Variants in LARS2 observed in about 807,000 individuals in gnomAD.
LARS2 encodes leucine--tRNA ligase, mitochondrial.
A neutral mutation model predicts 116.6 loss-of-function variants in LARS2; 81 were observed. The observed-to-expected ratio is 0.69, with a 90% CI of 0.58 to 0.84. The LOEUF (loss-of-function observed/expected upper bound fraction) is 0.84. Among genes scored for constraint, LARS2 ranks in the 40% least tolerant of loss-of-function variants. LARS2 has a pLI of 0.00. For missense variants in LARS2, 968 were observed against 1,114.5 expected (o/e 0.87, Z 1.87); for synonymous variants, 396 against 407.2 (o/e 0.97, Z 0.33).
At chr3:45,399,595 C>T (rs1221087010) in intron 3 of LARS2, among the ~76,000 whole-genome samples, 2 of 151,984 alleles carry the variant, frequency 1.3e-5, no homozygotes, top group Non-Finnish European at 2.9e-5. Context: ...GCGTGAGATC[C>T]AAGAACCCTC....
chr3:45,516,677 A>C (rs1209057526), intron 17 of LARS2, among the ~76,000 whole-genome samples: 1 of 152,144 alleles, frequency 6.6e-6, no homozygotes, highest in Non-Finnish European at 1.5e-5. Context: ...CTATAGTCCA[A>C]AGAGGCCAGT....
intron 6 of LARS2, among the ~76,000 whole-genome samples, chr3:45,434,530 A>C (rs373381030): frequency 3.3e-5 from 5 of 152,212 alleles, no homozygotes; most frequent in African/African-American, 9.6e-5. Flanking sequence ...TGCTGTCTGC[A>C]TAAAATCCTT....
At chr3:45,469,567 A>T (rs1174525253) in intron 8 of LARS2, among the ~76,000 whole-genome samples, 1 of 151,990 alleles carries the variant, frequency 6.6e-6, no homozygotes, top group Admixed American at 6.6e-5. Context: ...GCTGGTCTCA[A>T]GCTCCTGACC....
chr3:45,423,318 T>C (rs764613723), intron 6 of LARS2, among the ~76,000 whole-genome samples: 12 of 152,176 alleles, frequency 7.9e-5, no homozygotes, highest in Non-Finnish European at 1.5e-4. Context: ...TCATTGTTTT[T>C]GTTTTTGTTT....
intron 4 of LARS2, 37 bp from the exon 5 acceptor site, chr3:45,417,442 AATG>A (rs1358818608): frequency 7.0e-7 from 1 of 1,431,798 alleles, no homozygotes; most frequent in Non-Finnish European, 9.9e-7. Context: ...TGGAGTTATT[AATG>A]ATTTGCCATG....
intron 13 of LARS2, 48 bp downstream of exon 13, chr3:45,491,848 C>T: frequency 6.5e-7 from 1 of 1,549,318 alleles, no homozygotes; most frequent in Non-Finnish European, 8.8e-7. Flanking sequence ...TGGCCCCATA[C>T]CTGCTAGGGC....
chr3:45,537,896 C>G lies in LARS2; in HGVS notation c.2405-3933C>G, dbSNP rs6771173. 2.8e-3 allele frequency among the ~76,000 whole-genome samples: 424 copies of G among 152,258 alleles called. 6 individuals are homozygous for G. Among genetic ancestry groups the G allele is most frequent in the African/African-American group, 9.7e-3 (401 of 41,534 alleles). On this transcript the variant is annotated intron_variant, in intron 20 of 21. Transcript: ENST00000645846. ...TGCAGGAAAGTCTGCAATAGTAGCT[C>G]TCTCAGAGGAGGGGAAGGAAGGGGG...
chr3:45,514,736 C>T (rs1455008188), intron 16 of LARS2, among the ~76,000 whole-genome samples: 5 of 152,192 alleles, frequency 3.3e-5, no homozygotes, highest in African/African-American at 1.2e-4. Context: ...TCTAACTTCT[C>T]AACTTTTCTG....
At chr3:45,431,801 A>G (rs1280944247) in intron 6 of LARS2, among the ~76,000 whole-genome samples, 1 of 152,174 alleles carries the variant, frequency 6.6e-6, no homozygotes, top group Non-Finnish European at 1.5e-5. Context: ...GCAAAATGAC[A>G]GAAGTCTCTC....
intron 21 of LARS2, among the ~76,000 whole-genome samples, chr3:45,542,233 A>G (rs1336888566): frequency 1.3e-5 from 2 of 152,150 alleles, no homozygotes; most frequent in African/African-American, 4.8e-5. Context: ...CCCGCCTTAC[A>G]GGTTCTCGTT....
rs536219677 is a variant in LARS2 at position 45,420,833 on chromosome 3, G to A, written c.516+1104G>A. On this transcript the variant is annotated intron_variant, in intron 6 of 21. Transcript: ENST00000645846. ...CCTAGTCCTGCACAGGAATATCAAC[G>A]ATAAATGACTTAAAAGTTGTTAGAT... 5.9e-5 allele frequency among the ~76,000 whole-genome samples: 9 copies of A among 152,220 alleles called. No homozygotes were observed. In the South Asian group the frequency reaches 8.3e-4, roughly 14 times the overall value.
intron 6 of LARS2, among the ~76,000 whole-genome samples, chr3:45,440,991 G>A (rs934372460): frequency 6.0e-5 from 9 of 150,162 alleles, no homozygotes; most frequent in Non-Finnish European, 8.9e-5. Flanking sequence ...CGGTAATGAA[G>A]CCAGCCTCAC....
intron 18 of LARS2, 128 bp from the exon 19 acceptor site, chr3:45,520,091 G>A: frequency 1.5e-6 from 1 of 660,960 alleles, no homozygotes; most frequent in Non-Finnish European, 2.7e-6. Flanking sequence ...ATTTGAGATA[G>A]TAGATATATT....
At chr3:45,411,430 C>T (rs1284884010) in intron 4 of LARS2, among the ~76,000 whole-genome samples, 1 of 152,204 alleles carries the variant, frequency 6.6e-6, no homozygotes. Context: ...CTACTTTAAG[C>T]CATTTACTCA....
intron 21 of LARS2, among the ~76,000 whole-genome samples, chr3:45,542,388 C>T (rs1386341846): frequency 1.3e-5 from 2 of 152,260 alleles, no homozygotes; most frequent in East Asian, 3.9e-4. Flanking sequence ...AGAAAGGCTC[C>T]ATAATTTTTA....
intron 13 of LARS2, among the ~76,000 whole-genome samples, chr3:45,494,043 C>T (rs59732871): frequency 0.022 from 3,404 of 152,240 alleles, 92 homozygotes; most frequent in African/African-American, 0.07. Context: ...AATTTAGAGG[C>T]GCACTGTTGA....
chr3:45,418,078 C>T (rs920541553), intron 5 of LARS2, among the ~76,000 whole-genome samples: 62 of 152,226 alleles, frequency 4.1e-4, no homozygotes, highest in Non-Finnish European at 7.6e-4. Context: ...GGAACACACT[C>T]GCAATCCCAC....
Position 45,539,782 on chromosome 3 carries a change from G to A in LARS2, c.2405-2047G>A, listed in dbSNP as rs993035661. ...TCATATAAAATTTTTATTAAACTAG[G>A]GTCCTATTATATATATAATTGTGTG... On this transcript the variant is annotated intron_variant, in intron 20 of 21. Transcript: ENST00000645846. Among the ~76,000 whole-genome samples the A allele has an allele frequency of 2.0e-5, 3 of 151,736 alleles. No homozygotes were observed. The East Asian group carries it at 5.8e-4, about 29-fold the overall frequency.
At chr3:45,411,024 A>G (rs904752499) in intron 4 of LARS2, among the ~76,000 whole-genome samples, 1 of 152,232 alleles carries the variant, frequency 6.6e-6, no homozygotes, top group Non-Finnish European at 1.5e-5. Flanking sequence ...TTAAAACTGC[A>G]TAGAATAGAT....
Sources: gnomAD v4.1 joint callset for allele counts (sites outside exome capture counted in the v4.1 genomes callset) on GRCh38, gnomAD v4.1.1 for gene constraint, MANE v1.5 for transcripts, NCBI Gene and HGNC (gene_info 2026-07-23, HGNC 2026-07-21) for gene names.